The following APBB2 variants were observed in gnomAD, a reference collection of about 807,000 sequenced individuals.
The protein encoded by APBB2 is Fe65-like 1.
APBB2 carries 38 observed loss-of-function variants against 82.5 expected under a neutral mutation model. The observed-to-expected ratio is 0.46, with a 90% CI of 0.36 to 0.60. The LOEUF (loss-of-function observed/expected upper bound fraction) is 0.60, where lower values mean the gene tolerates loss of function less well. Among genes scored for constraint, APBB2 ranks in the 20% least tolerant of loss-of-function variants. The probability of loss-of-function intolerance (pLI) is 0.00; values close to 1 mark genes in which losing one functional copy is unlikely to be tolerated. For missense variants in APBB2, 772 were observed against 972.3 expected (o/e 0.79, Z 2.74); for synonymous variants, 341 against 368.2 (o/e 0.93, Z 0.85).
intron 6 of APBB2, among the ~76,000 whole-genome samples, chr4:41,003,121 T>C (rs745320813): frequency 1.3e-5 from 2 of 152,208 alleles, no homozygotes; most frequent in Non-Finnish European, 2.9e-5. Flanking sequence ...TTTTATCTTT[T>C]ATTTTTATCA....
intron 3 of APBB2, among the ~76,000 whole-genome samples, chr4:41,081,106 C>G (rs1737457528): frequency 6.6e-6 from 1 of 152,150 alleles, no homozygotes; most frequent in African/African-American, 2.4e-5. Context: ...GCCACTAAAA[C>G]AAGAGTTTCA....
At chr4:41,141,467 T>C (rs772519059) in intron 2 of APBB2, among the ~76,000 whole-genome samples, 3 of 152,164 alleles carry the variant, frequency 2.0e-5, no homozygotes, top group African/African-American at 7.2e-5. Context: ...TTATCCTGTG[T>C]TGTCTTAATT....
chr4:40,974,028 A>G (rs2154399778), intron 6 of APBB2, among the ~76,000 whole-genome samples: 2 of 151,650 alleles, frequency 1.3e-5, no homozygotes, highest in South Asian at 4.2e-4. Flanking sequence ...ATTTTTTTGT[A>G]TTTTTAGTAG....
intron 6 of APBB2, among the ~76,000 whole-genome samples, chr4:40,992,493 T>C (rs374784742): frequency 1.3e-5 from 2 of 152,232 alleles, no homozygotes; most frequent in East Asian, 3.9e-4. Context: ...AGCTTTTTAG[T>C]TCGCTTCAGC....
intron 1 of APBB2, among the ~76,000 whole-genome samples, chr4:41,190,034 T>C (rs1367679184): frequency 1.3e-5 from 2 of 152,190 alleles, no homozygotes; most frequent in Admixed American, 6.5e-5. Context: ...AAGTCACATC[T>C]TCTTTCATTA....
intron 6 of APBB2, among the ~76,000 whole-genome samples, chr4:40,995,460 G>A (rs2154415759): frequency 6.6e-6 from 1 of 151,958 alleles, no homozygotes; most frequent in East Asian, 1.9e-4. Flanking sequence ...CAAATGCCAG[G>A]GTCAAGCGAT....
intron 2 of APBB2, among the ~76,000 whole-genome samples, chr4:41,130,063 G>A (rs565339366): frequency 6.6e-6 from 1 of 152,296 alleles, no homozygotes; most frequent in South Asian, 2.1e-4. Context: ...GAGGATATCT[G>A]GGGAAGAGAA....
At chr4:40,900,547 C>G (rs1774995946) in intron 10 of APBB2, among the ~76,000 whole-genome samples, 1 of 151,458 alleles carries the variant, frequency 6.6e-6, no homozygotes, top group Non-Finnish European at 1.5e-5. Context: ...CCTCTGCCTC[C>G]TGGGTTCAAG....
rs1210259357 is a variant in APBB2, at chr4:40,944,992, G to T, written c.917C>A (p.Thr306Asn). 2 of 1,611,206 alleles carry T rather than the reference G, an allele frequency of 1.2e-6. No homozygotes were observed. Among genetic ancestry groups the T allele is most frequent in the African/African-American group, 2.7e-5 (2 of 74,062 alleles). Residue 306 changes from threonine (T) to asparagine (N), a missense_variant, in exon 7 of 18, where the codon ACC becomes AAC. Physicochemically the swap from Thr to Asn is moderately conservative, Grantham distance 65. Transcript: ENST00000508593. ...TCCTGTTGGGATGTGCCAATAATAG[G>T]TCCCGGCAATGTCACTGACTCTTTT... ...GWKRVSDIAG[T>N]YYWHIPTGTT...
At chr4:41,152,412 T>C (rs1323006568) in intron 1 of APBB2, among the ~76,000 whole-genome samples, 1 of 139,750 alleles carries the variant, frequency 7.2e-6, no homozygotes, top group African/African-American at 2.7e-5. Context: ...AAGCTCCGCC[T>C]CCTGCGTTCA....
intron 6 of APBB2, among the ~76,000 whole-genome samples, chr4:40,998,636 C>G (rs1232247254): frequency 5.3e-5 from 8 of 152,180 alleles, no homozygotes; most frequent in Non-Finnish European, 7.3e-5. Flanking sequence ...GGCAGATAAG[C>G]AAATTCAGCT....
At chr4:40,991,333 A>AT (rs1802045671) in intron 6 of APBB2, among the ~76,000 whole-genome samples, 2 of 151,338 alleles carry the variant, frequency 1.3e-5, no homozygotes, top group Admixed American at 1.3e-4. Context: ...TGATTTTTAA[A>AT]TTTTTTATTT....
At chr4:41,168,592 T>C (rs1229577079) in intron 1 of APBB2, among the ~76,000 whole-genome samples, 2 of 152,068 alleles carry the variant, frequency 1.3e-5, no homozygotes. Context: ...TCATTTGTAT[T>C]TTACAAAAGT....
rs1346674509 is a variant in APBB2, at chr4:40,982,277, AGAAAGAAGGAAG to A, written c.835+31294_835+31305del. 6.4e-3 allele frequency among the ~76,000 whole-genome samples: 165 copies of A among 25,702 alleles called. 17 individuals are homozygous for A. The highest frequency in any genetic ancestry group is 9.9e-3 in the African/African-American group (58 of 5,872). The allele number at this position is 25,702 out of a possible 152,430, so 16.9% of individuals were successfully genotyped here. A position where few individuals can be genotyped will look rare whatever the true frequency, so the allele number is the denominator to read the frequency against. ...AAGAAAGAAAGAAAGAAAGAAAGAA[AGAAAGAAGGAAG>A]GAAGGAAGGAAGGAAGGAAAGAAAG... On this transcript the variant is annotated intron_variant, in intron 6 of 17. Coordinates refer to ENST00000508593, the MANE Select transcript of APBB2 (RefSeq NM_004307.2).
At chr4:40,970,186 C>A (rs1283250647) in intron 6 of APBB2, among the ~76,000 whole-genome samples, 3 of 152,114 alleles carry the variant, frequency 2.0e-5, no homozygotes, top group Non-Finnish European at 4.4e-5. Context: ...TCCTACCCTC[C>A]CAAATCTTCT....
chr4:41,176,108 TAC>T (rs1436102465), intron 1 of APBB2, among the ~76,000 whole-genome samples: 2 of 152,200 alleles, frequency 1.3e-5, no homozygotes, highest in African/African-American at 4.8e-5. Context: ...TAAGAGGGTC[TAC>T]ACTCTAAACA....
intron 12 of APBB2, among the ~76,000 whole-genome samples, chr4:40,861,334 A>T (rs1762706882): frequency 6.6e-6 from 1 of 151,344 alleles, no homozygotes; most frequent in Admixed American, 6.6e-5. Flanking sequence ...TGGGTAACAG[A>T]ATGAGACTCT....
chr4:41,021,479 T>C (rs1215855722), intron 5 of APBB2, among the ~76,000 whole-genome samples: 2 of 152,126 alleles, frequency 1.3e-5, no homozygotes, highest in Non-Finnish European at 2.9e-5. Flanking sequence ...TGTGTCTAGC[T>C]AAAGGATTGT....
At chr4:41,060,132 C>T (rs1260207526) in intron 4 of APBB2, among the ~76,000 whole-genome samples, 1 of 152,250 alleles carries the variant, frequency 6.6e-6, no homozygotes, top group African/African-American at 2.4e-5. Context: ...ACTGAAGAGA[C>T]TTACAGTGAA....
Sources: gnomAD v4.1 joint callset for allele counts (sites outside exome capture counted in the v4.1 genomes callset) on GRCh38, gnomAD v4.1.1 for gene constraint, MANE v1.5 for transcripts, NCBI Gene and HGNC (gene_info 2026-07-23, HGNC 2026-07-21) for gene names.